Variants in PCDHGA7 observed in about 807,000 individuals in gnomAD.
The protein encoded by PCDHGA7 is protocadherin gamma-A7.
In PCDHGA7, 44 loss-of-function variants were observed where a neutral mutation model predicts 58.3. The observed-to-expected ratio is 0.75, with a 90% CI of 0.59 to 0.97. The LOEUF is 0.97. Among genes scored for constraint, PCDHGA7 ranks in the 50% least tolerant of loss-of-function variants. The pLI, the probability that PCDHGA7 is intolerant of heterozygous loss-of-function variation, is 0.00. For synonymous variants in PCDHGA7, 516 were observed against 504.2 expected (o/e 1.02, Z -0.31); for missense variants, 1,266 against 1,188.7 (o/e 1.06, Z -0.96).
At chr5:141,394,592 G>T (rs754585576) in intron 1 of PCDHGA7, 1 of 1,613,760 alleles carries the variant, frequency 6.2e-7, no homozygotes, top group Non-Finnish European at 8.5e-7. Flanking sequence ...AGGTGGTGGC[G>T]GTGGACAGAG....
intron 1 of PCDHGA7, chr5:141,422,466 G>T: frequency 1.2e-6 from 2 of 1,613,528 alleles, no homozygotes; most frequent in Non-Finnish European, 1.7e-6. Flanking sequence ...TGCTGGACAG[G>T]GAGTTGGTCC....
Position 141,382,862 on chromosome 5 carries a change from C to T in PCDHGA7, c.-38C>T, listed in dbSNP as rs1026124728. The T allele has an allele frequency of 1.3e-6, 2 of 1,514,358 alleles. No individual in the cohort carries two copies. Among genetic ancestry groups the T allele is most frequent in the Non-Finnish European group, 1.8e-6 (2 of 1,131,110 alleles). 93.8% of individuals were successfully genotyped at this position (1,514,358 alleles called of 1,614,324 possible). On this transcript the variant is annotated 5_prime_UTR_variant, in exon 1 of 4. Coordinates refer to ENST00000518325, the MANE Select transcript of PCDHGA7 (RefSeq NM_018920.4). ...GATACACCCGCATTCTGAAGCACTT[C>T]CCGAGATCGGCGCCTAAGCAAGAGA...
At position 141,384,184 on chromosome 5, in the gene PCDHGA7, A is replaced by C. The variant is rs1179495803; in HGVS notation, c.1285A>C (p.Thr429Pro). ...NITLKATDGGTPPLSRETHIF... is the reference protein window; with the variant it reads ...NITLKATDGGPPPLSRETHIF... ...CACACTGAAAGCCACAGATGGTGGAACTCCTCCCTTGTCCAGGGAAACTCA... is the reference window on the plus strand; with the variant it reads ...CACACTGAAAGCCACAGATGGTGGACCTCCTCCCTTGTCCAGGGAAACTCA... Residue 429 changes from threonine to proline, a missense_variant, in exon 1 of 4, where the codon ACT becomes CCT. By Grantham distance (38) the Thr-to-Pro change is conservative. Transcript: ENST00000518325. 2 of 1,613,640 alleles carry C rather than the reference A, an allele frequency of 1.2e-6. No homozygotes were observed. Among genetic ancestry groups the C allele is most frequent in the Non-Finnish European group, 1.7e-6 (2 of 1,179,848 alleles).
chr5:141,463,574 G>A (rs942457606), intron 1 of PCDHGA7, among the ~76,000 whole-genome samples: 1 of 146,978 alleles, frequency 6.8e-6, no homozygotes, highest in Non-Finnish European at 1.5e-5. Flanking sequence ...TCAGCCTCCC[G>A]AGTAGCTGGG....
chr5:141,431,697 G>T lies in PCDHGA7; in HGVS notation c.2424+46374G>T, dbSNP rs1303639699. 6.2e-7 allele frequency: 1 copy of T among 1,614,206 alleles called. No homozygotes were observed. Among genetic ancestry groups the T allele is most frequent in the Admixed American group, 1.7e-5 (1 of 60,024 alleles). ...GGGGAGTTGGACCACGAGGAGTCAG[G>T]ATTCTACCAGATGGAAGTGCAAGCA... On this transcript the variant is annotated intron_variant, in intron 1 of 3. Transcript: ENST00000518325. This position sits in a 1 kb window ranked among gnomAD's most constrained non-coding sequence, Gnocchi z 4.8.
chr5:141,399,459 C>T (rs897098728), intron 1 of PCDHGA7: 6 of 1,613,894 alleles, frequency 3.7e-6, no homozygotes, highest in Non-Finnish European at 5.1e-6. Context: ...TCAACGATAA[C>T]GCTCCGGTTT....
chr5:141,399,755 G>A (rs1420211451), intron 1 of PCDHGA7: 1 of 1,613,232 alleles, frequency 6.2e-7, no homozygotes, highest in African/African-American at 1.3e-5. Context: ...GCAAACGTGA[G>A]CCTGCGCGTG....
rs753872678 is a variant in PCDHGA7, at chr5:141,431,407, C to G, written c.2424+46084C>G. 4 of 1,613,716 alleles carry G rather than the reference C, an allele frequency of 2.5e-6. No individual in the cohort carries two copies. Among genetic ancestry groups the G allele is most frequent in the Non-Finnish European group, 3.4e-6 (4 of 1,180,048 alleles). The stretch of plus-strand genomic sequence containing the variant: ...ACCACCTGGTCCTTACGGCCTCCGA[C>G]GGGGGCGACCCGGTGCGCACAGGCA... On this transcript the variant is annotated intron_variant, in intron 1 of 3. Coordinates refer to ENST00000518325, the MANE Select transcript of PCDHGA7 (RefSeq NM_018920.4). This position sits in a 1 kb window ranked among gnomAD's most constrained non-coding sequence, Gnocchi z 4.8.
chr5:141,422,360 G>C (rs766368774), intron 1 of PCDHGA7: 1 of 1,559,254 alleles, frequency 6.4e-7, no homozygotes, highest in African/African-American at 1.4e-5. Context: ...CAAGATTCTG[G>C]AGAAAATGGT....
At chr5:141,452,119 TTCATATATGGC>T (rs1472213897) in intron 1 of PCDHGA7, among the ~76,000 whole-genome samples, 3 of 152,250 alleles carry the variant, frequency 2.0e-5, no homozygotes, top group African/African-American at 7.2e-5. Flanking sequence ...TTCTTATTTA[TTCATATATGGC>T]TCATGTGTTT....
chr5:141,459,068 A>G (rs1278498678), intron 1 of PCDHGA7, among the ~76,000 whole-genome samples: 1 of 152,226 alleles, frequency 6.6e-6, no homozygotes, highest in African/African-American at 2.4e-5. Flanking sequence ...TATATAACAT[A>G]AAATTTGCCT....
chr5:141,422,317 G>A (rs1266672163), intron 1 of PCDHGA7: 2 of 1,548,092 alleles, frequency 1.3e-6, no homozygotes, highest in Non-Finnish European at 1.7e-6. Context: ...CTCTCCTCCA[G>A]GTACAGTGAT....
At position 141,489,068 on chromosome 5, in the gene PCDHGA7, G is replaced by GGCCCC; in HGVS notation, c.2425-5739_2425-5738insGCCCC. On this transcript the variant is annotated intron_variant, in intron 1 of 3. Coordinates refer to ENST00000518325, the MANE Select transcript of PCDHGA7 (RefSeq NM_018920.4). This position sits in a 1 kb window ranked among gnomAD's most constrained non-coding sequence, Gnocchi z 4.5. ...CTCAAATTCAGCTCCCCTCCCCCCT[G>GGCCCC]CCCACCCCCGCCACTCGGTGACTAA... 3.4e-6 allele frequency: 1 copy of GGCCCC among 291,558 alleles called. No individual in the cohort carries two copies. 18.1% of individuals were successfully genotyped at this position (291,558 alleles called of 1,614,324 possible). A position where few individuals can be genotyped will look rare whatever the true frequency, so the allele number is the denominator to read the frequency against.
Position 141,490,198 on chromosome 5 carries a change from G to A in PCDHGA7, c.2425-4609G>A. ...GGAGTCACGTTTCTATGAAATTCAT[G>A]CAAGAGCCCGTGACCAGGGACAGCC... On this transcript the variant is annotated intron_variant, in intron 1 of 3. Coordinates refer to ENST00000518325, the MANE Select transcript of PCDHGA7 (RefSeq NM_018920.4). The surrounding 1 kb of genome is among the most constrained non-coding windows in gnomAD (Gnocchi z 5.4). The A allele has an allele frequency of 6.2e-7, 1 of 1,614,208 alleles. No homozygotes were observed. Among genetic ancestry groups the A allele is most frequent in the Non-Finnish European group, 8.5e-7 (1 of 1,180,038 alleles).
At chr5:141,417,772 C>A (rs2240701) in intron 1 of PCDHGA7, 340,590 of 1,455,726 alleles carry the variant, frequency 0.23, 43,476 homozygotes, top group African/African-American at 0.5. Flanking sequence ...GGGACTCCTC[C>A]TGTCCTGGGC....
intron 2 of PCDHGA7, among the ~76,000 whole-genome samples, chr5:141,495,943 C>T (rs998665622): frequency 3.9e-5 from 6 of 152,010 alleles, no homozygotes; most frequent in African/African-American, 1.4e-4. Flanking sequence ...GTCTCTGTGC[C>T]TGTTGTCTTT....
In PCDHGA7 at chr5:141,419,638, C is replaced by T. The variant is rs191182165; in HGVS notation, c.2424+34315C>T. On this transcript the variant is annotated intron_variant, in intron 1 of 3. Coordinates refer to ENST00000518325, the MANE Select transcript of PCDHGA7 (RefSeq NM_018920.4). Reference sequence around the variant, plus strand: ...GCTACCTGGTGACCAAGGTGGTGGCCGTGGACGCGGACTCGGGGCACAATG... The same window carrying T: ...GCTACCTGGTGACCAAGGTGGTGGCTGTGGACGCGGACTCGGGGCACAATG... The T allele has an allele frequency of 4.9e-3, 7,979 of 1,612,456 alleles. 44 individuals are homozygous for T. Among genetic ancestry groups the T allele is most frequent in the Admixed American group, 9.5e-3 (568 of 60,000 alleles).
In PCDHGA7 at chr5:141,383,161, G is replaced by T. The variant is rs774337554; in HGVS notation, c.262G>T (p.Gly88Cys). 6.2e-7 allele frequency: 1 copy of T among 1,614,052 alleles called. No individual in the cohort carries two copies. The highest frequency in any genetic ancestry group is 2.2e-5 in the East Asian group (1 of 44,890). The change falls in exon 1 of 4, where the codon GGC becomes TGC. Residue 88 changes from glycine to cysteine, a missense_variant. Coordinates refer to ENST00000518325, the MANE Select transcript of PCDHGA7 (RefSeq NM_018920.4). The stretch of plus-strand genomic sequence containing the variant: ...GCGCAGCGGCAGCTTGGTCACTGCG[G>T]GCAGGATAGACCGGGAAGAGATCTG... ...NQRSGSLVTA[G>C]RIDREEICAQ...
At chr5:141,422,100 A>G (rs1019775470) in intron 1 of PCDHGA7, 2 of 1,609,786 alleles carry the variant, frequency 1.2e-6, no homozygotes, top group Non-Finnish European at 1.7e-6. Context: ...AGGCTTCTGA[A>G]ATATTCCAAT....
Sources: allele counts gnomAD v4.1 joint callset (sites outside exome capture counted in the v4.1 genomes callset), GRCh38; gene constraint gnomAD v4.1.1; non-coding constraint Gnocchi (gnomAD v3.1); transcripts MANE v1.5; gene names NCBI Gene and HGNC (gene_info 2026-07-23, HGNC 2026-07-21).